The following TLN2 variants were observed in gnomAD, a reference collection of about 807,000 sequenced individuals.
TLN2 encodes talin-2.
Under a neutral mutation model 294.7 loss-of-function variants are expected in TLN2, and 118 were observed. The ratio of observed to expected loss-of-function variants is 0.40; its 90% CI spans 0.34 to 0.47. TLN2 has a LOEUF of 0.47. Among genes scored for constraint, TLN2 ranks in the 20% least tolerant of loss-of-function variants. TLN2 has a pLI of 0.84. For missense variants in TLN2, 3,083 were observed against 3,282.2 expected (o/e 0.94, Z 1.48); for synonymous variants, 1,431 against 1,304.5 (o/e 1.10, Z -2.09).
At chr15:62,526,832 G>A (rs982027695) in intron 1 of TLN2, among the ~76,000 whole-genome samples, 2 of 152,094 alleles carry the variant, frequency 1.3e-5, no homozygotes, top group Admixed American at 1.3e-4. Flanking sequence ...CTGTTCTCAG[G>A]GTCCTTATCC....
intron 21 of TLN2, among the ~76,000 whole-genome samples, chr15:62,711,088 T>G (rs8028810): frequency 0.84 from 127,493 of 152,092 alleles, 56,187 homozygotes; most frequent in Non-Finnish European, 0.97. Flanking sequence ...TTGAGCACAT[T>G]TTTATTTTAG....
chr15:62,606,453 G>A (rs1415072278), intron 2 of TLN2, among the ~76,000 whole-genome samples: 1 of 152,092 alleles, frequency 6.6e-6, no homozygotes, highest in Non-Finnish European at 1.5e-5. Context: ...AATGCCTGTG[G>A]TTTAACAGTA....
chr15:62,750,974 T>C (rs933181336), intron 34 of TLN2, among the ~76,000 whole-genome samples: 2 of 143,892 alleles, frequency 1.4e-5, no homozygotes, highest in Admixed American at 6.7e-5. Flanking sequence ...GAGGGTGAAA[T>C]TGTTTTGTTT....
chr15:62,450,880 A>G (rs907476358), intron 1 of TLN2, among the ~76,000 whole-genome samples: 21 of 151,104 alleles, frequency 1.4e-4, no homozygotes, highest in Admixed American at 4.0e-4. Flanking sequence ...CCATATATCT[A>G]TATATATATT....
intron 2 of TLN2, among the ~76,000 whole-genome samples, chr15:62,595,034 GA>G (rs1279584774): frequency 6.6e-6 from 1 of 152,070 alleles, no homozygotes; most frequent in African/African-American, 2.4e-5. Flanking sequence ...ACAAGTATAT[GA>G]AAAAATACTC....
At chr15:62,650,048 C>G (rs2052408011) in intron 4 of TLN2, 36 bp from the exon 5 acceptor site, 4 of 1,609,678 alleles carry the variant, frequency 2.5e-6, no homozygotes, top group Non-Finnish European at 3.4e-6. Flanking sequence ...TTCATCACCA[C>G]TTTGCCTTCT....
intron 3 of TLN2, chr15:62,640,253 G>T (rs1489814414): frequency 6.6e-6 from 3 of 456,058 alleles, no homozygotes; most frequent in African/African-American, 2.0e-5. Context: ...TGAGAGAGCT[G>T]AATCATTCCT....
At chr15:62,714,206 T>C (rs1357546523) in intron 22 of TLN2, among the ~76,000 whole-genome samples, 1 of 47,932 alleles carries the variant, frequency 2.1e-5, no homozygotes, top group African/African-American at 4.6e-5. Flanking sequence ...TTTTTTTTTT[T>C]TTCTTTTTTT....
chr15:62,508,014 G>A (rs1595969584), intron 1 of TLN2, among the ~76,000 whole-genome samples: 3 of 151,878 alleles, frequency 2.0e-5, no homozygotes, highest in Non-Finnish European at 4.4e-5. Context: ...GGGTTTTTGG[G>A]CTTTTCTGTA....
At chr15:62,499,342 C>T (rs768374215) in intron 1 of TLN2, among the ~76,000 whole-genome samples, 2 of 151,850 alleles carry the variant, frequency 1.3e-5, no homozygotes, top group Non-Finnish European at 2.9e-5. Context: ...CCCAGCTACT[C>T]GGGAGACTGA....
intron 1 of TLN2, among the ~76,000 whole-genome samples, chr15:62,588,610 C>T (rs1360288234): frequency 7.1e-6 from 1 of 141,712 alleles, no homozygotes; most frequent in African/African-American, 2.6e-5. Context: ...CCAGCCTGGG[C>T]AACAAGAGTG....
Position 62,707,104 on chromosome 15 carries a change from G to C in TLN2, c.2023G>C (p.Ala675Pro). ...ERFQDVLMSL[A>P]KAVANAAAML... The stretch of plus-strand genomic sequence containing the variant: ...TTCTTAGGATGTTTTAATGAGTTTG[G>C]CCAAAGCTGTTGCCAATGCAGCTGC... The change falls in exon 20 of 59, where the codon GCC becomes CCC. Residue 675 changes from alanine (A) to proline (P), a missense_variant. Coordinates refer to ENST00000636159, the MANE Select transcript of TLN2 (RefSeq NM_015059.3). The C allele has an allele frequency of 6.2e-7, 1 of 1,613,678 alleles. No individual in the cohort carries two copies.
At chr15:62,655,880 T>A in intron 7 of TLN2, 64 bp from the exon 8 acceptor site, 1 of 1,587,586 alleles carries the variant, frequency 6.3e-7, no homozygotes, top group Non-Finnish European at 8.6e-7. Flanking sequence ...GCTCTTTTGG[T>A]AAATTCCCTT....
chr15:62,533,608 A>G (rs1334684605), intron 1 of TLN2, among the ~76,000 whole-genome samples: 2 of 152,060 alleles, frequency 1.3e-5, no homozygotes, highest in African/African-American at 4.8e-5. Flanking sequence ...GAGTAATTGT[A>G]TTTTTCTTTC....
intron 45 of TLN2, among the ~76,000 whole-genome samples, chr15:62,789,466 C>A: frequency 6.6e-6 from 1 of 152,148 alleles, no homozygotes; most frequent in South Asian, 2.1e-4. Flanking sequence ...CGTGTCACCT[C>A]CAAGAAAGGG....
rs1270972155 is a variant in TLN2, at chr15:62,719,789, A to C, written c.2900A>C (p.Gln967Pro). ...SCKAVADHIP[Q>P]LVQGVRGSQA... is the part of the protein sequence containing the mutation. ...CAGGCAGTGGCTGATCACATCCCTCAGCTGGTCCAGGGAGTGAGGGGGAGC... is the reference window on the plus strand; with the variant it reads ...CAGGCAGTGGCTGATCACATCCCTCCGCTGGTCCAGGGAGTGAGGGGGAGC... Residue 967 changes from glutamine (Q) to proline (P), a missense_variant, in exon 25 of 59, where the codon CAG becomes CCG. Physicochemically the swap from Gln to Pro is moderately conservative, Grantham distance 76 (BLOSUM62 -1). Transcript: ENST00000636159. 1.9e-6 allele frequency: 3 copies of C among 1,609,552 alleles called. No homozygotes were observed. The highest frequency in any genetic ancestry group is 1.7e-5 in the Admixed American group (1 of 59,614).
rs888338343 is a variant in TLN2 at position 62,414,805 on chromosome 15, G to A, written c.-238+24120G>A. Among the ~76,000 whole-genome samples the A allele has an allele frequency of 6.4e-5, 9 of 141,372 alleles. 1 individual carries two copies. The highest frequency in any genetic ancestry group is 2.0e-4 in the African/African-American group (8 of 39,522). The allele number at this position is 141,372 out of a possible 152,430, so 92.7% of individuals were successfully genotyped here. A position where few individuals can be genotyped will look rare whatever the true frequency, so the allele number is the denominator to read the frequency against. ...AGGTCTGGCTGGACGGAACCCTCGA[G>A]TCTACCTCCAACTTGGCTCTAAAAG... On this transcript the variant is annotated intron_variant, in intron 1 of 58. Transcript: ENST00000636159.
At chr15:62,458,711 G>A (rs554647131) in intron 1 of TLN2, among the ~76,000 whole-genome samples, 1 of 151,958 alleles carries the variant, frequency 6.6e-6, no homozygotes, top group Non-Finnish European at 1.5e-5. Context: ...CAAGGCTACA[G>A]TGAGCCATGG....
In TLN2 at chr15:62,797,250, G is replaced by T; in HGVS notation, c.6082G>T (p.Val2028Leu). The change falls in exon 48 of 59, where the codon GTA (valine) becomes TTA (leucine). Residue 2028 changes from valine to leucine, a missense_variant. Transcript: ENST00000636159. ...ENILKTAKAL[V>L]EDTKLLVSGA... Reference sequence around the variant, plus strand: ...CATTCTCAAGACGGCCAAGGCCTTGGTAGAAGACACGAAACTACTTGTGTC... The same window carrying T: ...CATTCTCAAGACGGCCAAGGCCTTGTTAGAAGACACGAAACTACTTGTGTC... The T allele has an allele frequency of 6.2e-7, 1 of 1,614,084 alleles. No homozygotes were observed. Among genetic ancestry groups the T allele is most frequent in the Non-Finnish European group, 8.5e-7 (1 of 1,180,034 alleles).
Sources: gnomAD v4.1 joint callset for allele counts (sites outside exome capture counted in the v4.1 genomes callset) on GRCh38, gnomAD v4.1.1 for gene constraint, MANE v1.5 for transcripts, NCBI Gene and HGNC (gene_info 2026-07-23, HGNC 2026-07-21) for gene names.